DBN1: variants seen among roughly 807,000 people sequenced by gnomAD.
DBN1 encodes the protein drebrin.
DBN1 carries 21 observed loss-of-function variants against 83.5 expected under a neutral mutation model. The ratio of observed to expected loss-of-function variants is 0.25; its 90% CI spans 0.18 to 0.36. The LOEUF (loss-of-function observed/expected upper bound fraction) is 0.36, where lower values mean the gene tolerates loss of function less well. DBN1 is among the 10% of genes least tolerant of loss of function. The probability of loss-of-function intolerance (pLI) is 1.00; values close to 1 mark genes in which losing one functional copy is unlikely to be tolerated. For synonymous variants in DBN1, 381 were observed against 384.9 expected, an observed-to-expected ratio of 0.99 and a Z score of 0.12; for missense variants, 874 against 935.7, an observed-to-expected ratio of 0.93 and a Z score of 0.86.
Position 177,459,087 on chromosome 5 carries a change from C to T in DBN1, c.1264+11G>A, listed in dbSNP as rs879246127. Reference sequence around the variant, plus strand: ...ATGGGAGGCCTGGTGCAGGTAGCATCCCTCTCTCACCTTGGGCTGGTGGGG... The same window carrying T: ...ATGGGAGGCCTGGTGCAGGTAGCATTCCTCTCTCACCTTGGGCTGGTGGGG... On this transcript the variant is annotated intron_variant, in intron 12 of 14. Transcript: ENST00000393565. The T allele has an allele frequency of 6.3e-7, 1 of 1,594,348 alleles. No individual in the cohort carries two copies. Among genetic ancestry groups the T allele is most frequent in the Admixed American group, 1.8e-5 (1 of 55,842 alleles).
At chr5:177,464,471 T>C (rs1025518187) in intron 8 of DBN1, among the ~76,000 whole-genome samples, 4 of 150,790 alleles carry the variant, frequency 2.7e-5, no homozygotes, top group Non-Finnish European at 5.9e-5. Context: ...AATAAATAAA[T>C]AAACTTGGCT....
intron 1 of DBN1, among the ~76,000 whole-genome samples, chr5:177,471,897 T>C (rs899576166): frequency 3.3e-5 from 5 of 151,862 alleles, no homozygotes; most frequent in Non-Finnish European, 7.4e-5. Flanking sequence ...AATGGGGTGT[T>C]GGTAGACAAC....
rs778080306 is a variant in DBN1, at chr5:177,464,953, G to A, written c.771+1819C>T. Among the ~76,000 whole-genome samples, 27 of 152,158 alleles carry A rather than the reference G, an allele frequency of 1.8e-4. 1 individual carries two copies. Among genetic ancestry groups the A allele is most frequent in the Non-Finnish European group, 3.5e-4 (24 of 68,014 alleles). Reference sequence around the variant, plus strand: ...GCAGATCATGAGGTCAGGAGATCGAGACCACCCTGGCTAACATGGTGAAAC... The same window carrying A: ...GCAGATCATGAGGTCAGGAGATCGAAACCACCCTGGCTAACATGGTGAAAC... On this transcript the variant is annotated intron_variant, in intron 8 of 14. Transcript: ENST00000393565.
intron 8 of DBN1, among the ~76,000 whole-genome samples, chr5:177,463,591 A>C (rs1356658098): frequency 1.3e-5 from 2 of 152,232 alleles, no homozygotes; most frequent in Non-Finnish European, 2.9e-5. Context: ...TAAATCCCAA[A>C]GTCTCTCGCA....
chr5:177,457,491 G>A lies in DBN1; in HGVS notation c.2030C>T (p.Thr677Ile), dbSNP rs775110910. ...TGGAACTGGGTCTGCATCCCAGCAT[G>A]TGATGTCGATCTCTGTGGCGTTAGA... ...FYNKPPEIDI[T>I]CWDADPVPEE... The change falls in exon 15 of 15, where the codon ACA (threonine) becomes ATA (isoleucine). Residue 677 changes from threonine (T) to isoleucine (I), a missense_variant. Coordinates refer to ENST00000393565, the MANE Select transcript of DBN1 (RefSeq NM_001363541.2). 7 of 1,614,118 alleles carry A rather than the reference G, an allele frequency of 4.3e-6. No homozygotes were observed. In the South Asian group the frequency reaches 6.6e-5, roughly 15 times the overall value.
intron 8 of DBN1, among the ~76,000 whole-genome samples, chr5:177,465,805 A>T (rs1217360034): frequency 6.6e-6 from 1 of 151,598 alleles, no homozygotes; most frequent in Non-Finnish European, 1.5e-5. Flanking sequence ...CAGTGAGCCA[A>T]GATCACGCCA....
chr5:177,472,260 C>T (rs1308070614), intron 1 of DBN1: 7 of 1,610,940 alleles, frequency 4.3e-6, no homozygotes, highest in Non-Finnish European at 5.9e-6. Context: ...ACCTGGCTGC[C>T]CTCCCAGTGT....
Position 177,459,174 on chromosome 5 carries a change from CTCAGCG to C in DBN1, c.1182_1187del (p.Ala395_Glu396del). The C allele has an allele frequency of 6.2e-7, 1 of 1,611,128 alleles. No homozygotes were observed. Among genetic ancestry groups the C allele is most frequent in the Non-Finnish European group, 8.5e-7 (1 of 1,178,838 alleles). On this transcript the variant is annotated inframe_deletion, in exon 12 of 15. Transcript: ENST00000393565. ...CCTCATCCAGGGCCCGCTCTATCTG[CTCAGCG>C]ACAGGGGTGGAGGCGGTGCTGGAGT... is the stretch of plus-strand genomic sequence containing the variant.
intron 8 of DBN1, among the ~76,000 whole-genome samples, chr5:177,461,116 T>G (rs1757005687): frequency 7.0e-6 from 1 of 143,258 alleles, no homozygotes; most frequent in Non-Finnish European, 1.5e-5. Flanking sequence ...TTTTTTTTTT[T>G]GAGACGGAGT....
At chr5:177,469,259 T>C (rs1757680981) in intron 1 of DBN1, among the ~76,000 whole-genome samples, 1 of 151,914 alleles carries the variant, frequency 6.6e-6, no homozygotes, top group African/African-American at 2.4e-5. Flanking sequence ...AGGATCCTCA[T>C]CCCCCATTGG....
intron 2 of DBN1, chr5:177,468,450 A>G (rs993723556): frequency 3.5e-6 from 2 of 577,338 alleles, no homozygotes; most frequent in African/African-American, 1.9e-5. Context: ...GGTAGGACTG[A>G]GGAAGTGTTT....
intron 8 of DBN1, chr5:177,462,169 G>GA: frequency 1.0e-6 from 1 of 957,276 alleles, no homozygotes; most frequent in Non-Finnish European, 1.2e-6. Flanking sequence ...ACCCCTGCCT[G>GA]ACCTAGCCGT....
In DBN1 at chr5:177,458,505, G is replaced by T; in HGVS notation, c.1467C>A (p.Ala489=). The T allele has an allele frequency of 1.2e-6, 2 of 1,613,744 alleles. No individual in the cohort carries two copies. Among genetic ancestry groups the T allele is most frequent in the Non-Finnish European group, 1.7e-6 (2 of 1,179,606 alleles). ...AAPVEPATAD[A]TEIHDAADTI... ...TGTCAGCTGCATCGTGGATCTCCGT[G>T]GCGTCAGCTGTGGCAGGCTCCACGG... Residue 489 remains alanine, a synonymous_variant, in exon 13 of 15, where the codon GCC becomes GCA. Transcript: ENST00000393565.
chr5:177,464,297 T>C (rs1441128268), intron 8 of DBN1, among the ~76,000 whole-genome samples: 1 of 141,652 alleles, frequency 7.1e-6, no homozygotes, highest in Non-Finnish European at 1.5e-5. Context: ...AATACAAAAA[T>C]TAGCTGGGCA....
rs1034374382 is a variant in DBN1 at position 177,457,331 on chromosome 5, G to A, written c.*102C>T. 4.1e-6 allele frequency: 4 copies of A among 969,192 alleles called. No homozygotes were observed. Among genetic ancestry groups the A allele is most frequent in the Non-Finnish European group, 6.7e-6 (4 of 601,100 alleles). The allele number at this position is 969,192 out of a possible 1,614,324, so 60.0% of individuals were successfully genotyped here. A position where few individuals can be genotyped will look rare whatever the true frequency, so the allele number is the denominator to read the frequency against. On this transcript the variant is annotated 3_prime_UTR_variant, in exon 15 of 15. Coordinates refer to ENST00000393565, the MANE Select transcript of DBN1 (RefSeq NM_001363541.2). Reference sequence around the variant, plus strand: ...GCCAGGGCCGGAATCCGGAGTGGGTGCCAGGCGGAGCTGCTGCGAATGCAG... The same window carrying A: ...GCCAGGGCCGGAATCCGGAGTGGGTACCAGGCGGAGCTGCTGCGAATGCAG...
rs1756550656 is a variant in DBN1, at chr5:177,457,051, TG to T, written c.*381del. ...AGAAACATAAAACTAGGAAAAGAGG[TG>T]GGGGACATTTTCCCACCAGAGCTCC... On this transcript the variant is annotated 3_prime_UTR_variant, in exon 15 of 15. Transcript: ENST00000393565. The T allele has an allele frequency of 4.2e-6, 1 of 239,108 alleles. No homozygotes were observed. 14.8% of individuals were successfully genotyped at this position (239,108 alleles called of 1,614,324 possible). A position where few individuals can be genotyped will look rare whatever the true frequency, so the allele number is the denominator to read the frequency against.
In DBN1 at chr5:177,472,147, G is replaced by C. The variant is rs142895287; in HGVS notation, c.86+1289C>G. On this transcript the variant is annotated intron_variant, in intron 1 of 14. Transcript: ENST00000393565. ...CAGGACACGAGAGCTTGTCTCTCGC[G>C]TCCATCCCTCCAGGCCTGGCTGCTG... is the stretch of plus-strand genomic sequence containing the variant. 1,968 of 1,612,406 alleles carry C rather than the reference G, an allele frequency of 1.2e-3. 2 individuals are homozygous for C. The highest frequency in any genetic ancestry group is 1.5e-3 in the Non-Finnish European group (1,811 of 1,179,266).
At chr5:177,460,395 G>A in intron 10 of DBN1, 37 bp downstream of exon 10, 1 of 1,612,346 alleles carries the variant, frequency 6.2e-7, no homozygotes, top group Non-Finnish European at 8.5e-7. Flanking sequence ...CGCAACCTGA[G>A]GAGTGGGGCC....
rs1480249501 is a variant in DBN1 at position 177,467,770 on chromosome 5, G to A, written c.303C>T (p.His101=). ...PDARKCACAS[H]VAKVAEFFQG... ...GGAAGAACTCCGCCACCTTAGCCAC[G>A]TGGCTGGCACAAGCGCACTTGCGGG... is the stretch of plus-strand genomic sequence containing the variant. Residue 101 remains histidine, a synonymous_variant, in exon 4 of 15, where the codon CAC becomes CAT. Coordinates refer to ENST00000393565, the MANE Select transcript of DBN1 (RefSeq NM_001363541.2). The surrounding 1 kb of genome is among the most constrained non-coding windows in gnomAD (Gnocchi z 9.1). 1.6e-5 allele frequency: 25 copies of A among 1,555,330 alleles called. No homozygotes were observed. The highest frequency in any genetic ancestry group is 7.8e-5 in the Admixed American group (4 of 51,426).
Sources: allele counts gnomAD v4.1 joint callset (sites outside exome capture counted in the v4.1 genomes callset), GRCh38; gene constraint gnomAD v4.1.1; non-coding constraint Gnocchi (gnomAD v3.1); transcripts MANE v1.5; gene names NCBI Gene and HGNC (gene_info 2026-07-23, HGNC 2026-07-21).